The following TTC3 variants were observed in gnomAD, a reference collection of about 807,000 sequenced individuals.
TTC3 encodes tetratricopeptide repeat domain 3.
A neutral mutation model predicts 249.6 loss-of-function variants in TTC3; 180 were observed. That is an observed-to-expected ratio of 0.72 (90% CI 0.64 to 0.82). The LOEUF (loss-of-function observed/expected upper bound fraction) is 0.82, where lower values mean the gene tolerates loss of function less well. Ranked by LOEUF, TTC3 falls within the 40% of genes least tolerant of loss-of-function variation. The pLI is 0.00. For synonymous variants in TTC3, 717 were observed against 805.0 expected (o/e 0.89, Z 1.85); for missense variants, 2,061 against 2,398.4 (o/e 0.86, Z 2.94).
intron 35 of TTC3, among the ~76,000 whole-genome samples, chr21:37,176,973 C>T (rs2082335154): frequency 6.6e-6 from 1 of 152,166 alleles, no homozygotes; most frequent in South Asian, 2.1e-4. Context: ...TGAGTGACTC[C>T]CAGCCACAAA....
At chr21:37,165,999 C>G in exon 33 of TTC3, 3 of 1,614,148 alleles carry the variant, frequency 1.9e-6, no homozygotes, top group Non-Finnish European at 2.5e-6. Context: ...GACAATTCTT[C>G]TAGACAAGTT....
chr21:37,143,547 C>T (rs1420529973), intron 20 of TTC3, among the ~76,000 whole-genome samples: 1 of 151,856 alleles, frequency 6.6e-6, no homozygotes, highest in Non-Finnish European at 1.5e-5. Flanking sequence ...AATGAGATAC[C>T]GTCTCACACC....
At chr21:37,133,362 A>G (rs1265071121) in intron 17 of TTC3, among the ~76,000 whole-genome samples, 2 of 152,230 alleles carry the variant, frequency 1.3e-5, no homozygotes, top group African/African-American at 2.4e-5. Context: ...TTAGGTATAC[A>G]TAACAGATAT....
chr21:37,114,166 A>G (rs1003673343), intron 11 of TTC3, among the ~76,000 whole-genome samples: 1 of 152,190 alleles, frequency 6.6e-6, no homozygotes, highest in Non-Finnish European at 1.5e-5. Context: ...AGCAATGGCA[A>G]CAAAAGCCAA....
intron 21 of TTC3, 141 bp from the exon 22 acceptor site, chr21:37,147,340 G>T: frequency 2.9e-6 from 2 of 695,340 alleles, no homozygotes; most frequent in Non-Finnish European, 4.3e-6. Flanking sequence ...TTTAAAAGTT[G>T]TATGTAGTTT....
intron 11 of TTC3, among the ~76,000 whole-genome samples, chr21:37,110,023 A>G (rs2075501864): frequency 9.0e-6 from 1 of 111,678 alleles, no homozygotes. Flanking sequence ...AGGAAAACTA[A>G]CAGAAAGGAC....
At position 37,132,660 on chromosome 21, in the gene TTC3, A is replaced by T. The variant is rs767617848; in HGVS notation, c.1359-22A>T. ...GAACTTTTATTTTAAAATGATTTTTAAAAATGCTTTTTTTCTTTTAGTTCT... is the reference window on the plus strand; with the variant it reads ...GAACTTTTATTTTAAAATGATTTTTTAAAATGCTTTTTTTCTTTTAGTTCT... On this transcript the variant is annotated intron_variant, in intron 16 of 45. Coordinates refer to ENST00000355666, the Ensembl canonical transcript of TTC3. 5.1e-6 allele frequency: 8 copies of T among 1,570,358 alleles called. 1 individual carries two copies. The highest frequency in any genetic ancestry group is 2.1e-4 in the Middle Eastern group (1 of 4,728).
At chr21:37,122,084 T>G in intron 12 of TTC3, 105 bp downstream of exon 12, 1 of 1,062,102 alleles carries the variant, frequency 9.4e-7, no homozygotes, top group Non-Finnish European at 1.3e-6. Context: ...CCTCAGATGA[T>G]TTATCCTTAT....
intron 27 of TTC3, 118 bp from the exon 28 acceptor site, chr21:37,156,537 T>C (rs751457452): frequency 1.2e-4 from 157 of 1,286,344 alleles, no homozygotes; most frequent in Admixed American, 2.5e-5. Flanking sequence ...TATTTAAATG[T>C]TTTTGCTGAG....
intron 41 of TTC3, chr21:37,194,632 G>A (rs1241243435): frequency 6.6e-6 from 1 of 152,154 alleles, no homozygotes; most frequent in African/African-American, 2.4e-5. Context: ...CGTATCCTGA[G>A]GTTGCTAAGA....
At chr21:37,189,684 A>C (rs904522394) in intron 39 of TTC3, among the ~76,000 whole-genome samples, 1 of 152,020 alleles carries the variant, frequency 6.6e-6, no homozygotes, top group South Asian at 2.1e-4. Flanking sequence ...AGTAGCTGAG[A>C]CTACAGGTGC....
At chr21:37,098,024 G>A in intron 10 of TTC3, 1 of 687,818 alleles carries the variant, frequency 1.5e-6, no homozygotes, top group South Asian at 1.6e-5. Flanking sequence ...TTAACGTTAT[G>A]CAGCTTTTAG....
intron 20 of TTC3, among the ~76,000 whole-genome samples, chr21:37,144,249 A>ATAT (rs1555889714): frequency 6.6e-6 from 1 of 151,054 alleles, no homozygotes; most frequent in South Asian, 2.1e-4. Flanking sequence ...TAATAAAAAA[A>ATAT]ATATATATAT....
chr21:37,175,469 C>T (rs538747678), intron 35 of TTC3, among the ~76,000 whole-genome samples: 14 of 147,686 alleles, frequency 9.5e-5, no homozygotes, highest in African/African-American at 3.0e-4. Flanking sequence ...TGGTGGTGGG[C>T]GCCTGTAATC....
chr21:37,181,637 G>A (rs1414268865), intron 35 of TTC3, among the ~76,000 whole-genome samples: 2 of 152,204 alleles, frequency 1.3e-5, no homozygotes, highest in African/African-American at 2.4e-5. Flanking sequence ...GTTGTCCTGT[G>A]CCAAAATCAA....
chr21:37,080,917 G>A (rs958738034), intron 1 of TTC3, among the ~76,000 whole-genome samples: 2 of 151,504 alleles, frequency 1.3e-5, no homozygotes, highest in Non-Finnish European at 2.9e-5. Context: ...TTATGTTCCA[G>A]GTGTCTTGGT....
chr21:37,132,832 A>AGAACCTTATTCATGTG, intron 17 of TTC3, 66 bp downstream of exon 17: 4 of 1,292,450 alleles, frequency 3.1e-6, no homozygotes, highest in South Asian at 1.4e-5. Flanking sequence ...TCACATGAAT[A>AGAACCTTATTCATGTG]AGGTTCTAAT....
Position 37,191,363 on chromosome 21 carries a change from C to T in TTC3, c.5054C>T (p.Ser1685Phe), listed in dbSNP as rs954506521. ...CCTGCAGCATATCCTGACATGGAGTCTGATATACGTTCATGGGAATTGTTT... is the reference window on the plus strand; with the variant it reads ...CCTGCAGCATATCCTGACATGGAGTTTGATATACGTTCATGGGAATTGTTT... Residue 1685 changes from serine (S) to phenylalanine (F), a missense_variant, in exon 40 of 46, where the codon TCT becomes TTT. Physicochemically the swap from Ser to Phe is radical, Grantham distance 155. This residue lies in a region of TTC3 where 1,040 missense variants were observed against 1,186.1 expected (regional missense o/e 0.88). Coordinates refer to ENST00000355666, the Ensembl canonical transcript of TTC3. 4 of 1,589,976 alleles carry T rather than the reference C, an allele frequency of 2.5e-6. No individual in the cohort carries two copies. In the Admixed American group the frequency reaches 7.3e-5, roughly 29 times the overall value.
intron 17 of TTC3, 138 bp downstream of exon 17, chr21:37,132,904 G>A: frequency 3.4e-6 from 2 of 582,036 alleles, no homozygotes; most frequent in Admixed American, 4.1e-5. Context: ...TTGTAGAGAT[G>A]GGGTCTCACT....
Sources: allele counts gnomAD v4.1 joint callset (sites outside exome capture counted in the v4.1 genomes callset), GRCh38; gene constraint gnomAD v4.1.1; regional missense constraint gnomAD v4.1.1; transcripts MANE v1.5; gene names NCBI Gene and HGNC (gene_info 2026-07-23, HGNC 2026-07-21).